RANBP2: variants seen among roughly 807,000 people sequenced by gnomAD.
The protein encoded by RANBP2 is RAN binding protein 2, also known as E3 SUMO-protein ligase RanBP2.
Under a neutral mutation model 303.6 loss-of-function variants are expected in RANBP2, and 57 were observed. The observed-to-expected ratio is 0.19, with a 90% CI of 0.15 to 0.23. The LOEUF (loss-of-function observed/expected upper bound fraction) is 0.23. RANBP2 is among the 10% of genes least tolerant of loss of function. The pLI is 1.00. For missense variants in RANBP2, 3,138 were observed against 3,780.8 expected (o/e 0.83, Z 4.46); for synonymous variants, 1,167 against 1,301.5 (o/e 0.90, Z 2.23).
At chr2:108,977,555 C>T in the RANBP2 span, among the ~76,000 whole-genome samples, 1 of 152,280 alleles carries the variant, frequency 6.6e-6, no homozygotes, top group African/African-American at 2.4e-5. Flanking sequence ...CAGGCGTGAG[C>T]CACCGAGCCT....
At chr2:109,568,037 G>GT in the RANBP2 span, 4 of 1,288,128 alleles carry the variant, frequency 3.1e-6, no homozygotes, top group Non-Finnish European at 4.3e-6. Context: ...TCCTGCAGCT[G>GT]TTTTTTCACT....
chr2:109,538,758 G>T, the RANBP2 span, among the ~76,000 whole-genome samples: 147 of 152,246 alleles, frequency 9.7e-4, no homozygotes, highest in African/African-American at 3.4e-3. Flanking sequence ...GGTGTGAAGT[G>T]AACCACCCCC....
the RANBP2 span, among the ~76,000 whole-genome samples, chr2:109,470,278 C>T: frequency 6.6e-6 from 1 of 152,224 alleles, no homozygotes; most frequent in African/African-American, 2.4e-5. Flanking sequence ...TGACCCACAG[C>T]ACCCAGCAGC....
At chr2:109,735,143 C>A in the RANBP2 span, among the ~76,000 whole-genome samples, 3,552 of 152,216 alleles carry the variant, frequency 0.023, 148 homozygotes, top group African/African-American at 0.081. Context: ...CATTAACTAA[C>A]CTCCCACTAT....
chr2:109,655,997 G>T, the RANBP2 span, among the ~76,000 whole-genome samples: 4 of 152,136 alleles, frequency 2.6e-5, no homozygotes, highest in Non-Finnish European at 4.4e-5. Context: ...TGTCAGTTTT[G>T]ATTTGTAAAC....
At chr2:108,826,262 A>G in the RANBP2 span, among the ~76,000 whole-genome samples, 1 of 152,178 alleles carries the variant, frequency 6.6e-6, no homozygotes, top group Non-Finnish European at 1.5e-5. Context: ...TTAAATTTTT[A>G]TAAAGTCCAA....
chr2:108,821,079 CG>C, the RANBP2 span, among the ~76,000 whole-genome samples: 1 of 152,160 alleles, frequency 6.6e-6, no homozygotes, highest in Admixed American at 6.5e-5. Context: ...AATTTGTGGC[CG>C]GGTGCGGTGG....
At chr2:108,788,968 T>C, downstream of RANBP2, 1 of 1,613,836 alleles carries the variant, frequency 6.2e-7, no homozygotes, top group South Asian at 1.1e-5. Flanking sequence ...TGTGAATTGG[T>C]AAAGTACCCT....
the RANBP2 span, among the ~76,000 whole-genome samples, chr2:109,647,561 C>G: frequency 1.3e-5 from 2 of 151,192 alleles, no homozygotes; most frequent in Non-Finnish European, 2.9e-5. Flanking sequence ...CTCCGCCTCC[C>G]GGGTTCAAGT....
the RANBP2 span, chr2:109,552,918 T>C: frequency 1.4e-6 from 1 of 734,312 alleles, no homozygotes; most frequent in South Asian, 2.4e-5. Context: ...TTCATTTAAT[T>C]TCAGGCTATG....
chr2:109,495,793 C>G, the RANBP2 span, among the ~76,000 whole-genome samples: 1 of 152,172 alleles, frequency 6.6e-6, no homozygotes, highest in Admixed American at 6.5e-5. Flanking sequence ...ACCTGGCCCC[C>G]TTTCTTCATT....
chr2:108,869,492 A>C, the RANBP2 span, among the ~76,000 whole-genome samples: 1 of 152,122 alleles, frequency 6.6e-6, no homozygotes, highest in African/African-American at 2.4e-5. Context: ...CATGGTTTGA[A>C]TCTCAGGAAG....
the RANBP2 span, among the ~76,000 whole-genome samples, chr2:108,826,230 T>C: frequency 6.6e-6 from 1 of 152,208 alleles, no homozygotes; most frequent in Non-Finnish European, 1.5e-5. Flanking sequence ...TTCTGGATAG[T>C]ATCCTTTGAA....
the RANBP2 span, chr2:109,564,647 A>C: frequency 1.1e-6 from 1 of 944,880 alleles, no homozygotes; most frequent in Non-Finnish European, 1.5e-6. Flanking sequence ...CAAATAGCAA[A>C]TGATCAGTTT....
At chr2:109,087,909 A>G in the RANBP2 span, among the ~76,000 whole-genome samples, 1 of 152,212 alleles carries the variant, frequency 6.6e-6, no homozygotes, top group Non-Finnish European at 1.5e-5. Context: ...CAGGCAGACC[A>G]GACTGTGAAT....
the RANBP2 span, among the ~76,000 whole-genome samples, chr2:109,105,826 A>C: frequency 6.8e-6 from 1 of 147,034 alleles, no homozygotes; most frequent in African/African-American, 2.5e-5. Flanking sequence ...AAGTGCTGGG[A>C]TTACAGGCGT....
At chr2:109,272,523 C>T in the RANBP2 span, among the ~76,000 whole-genome samples, 11 of 152,172 alleles carry the variant, frequency 7.2e-5, no homozygotes, top group East Asian at 1.9e-4. Flanking sequence ...TCACAGGGGC[C>T]GAGTAGGGTG....
At chr2:109,614,723 C>T in the RANBP2 span, 1 of 1,488,882 alleles carries the variant, frequency 6.7e-7, no homozygotes, top group Non-Finnish European at 8.9e-7. Flanking sequence ...AGTACGTGCA[C>T]CTCAAGAAGA....
At chr2:109,621,815 A>T in the RANBP2 span, among the ~76,000 whole-genome samples, 11 of 152,174 alleles carry the variant, frequency 7.2e-5, no homozygotes, top group African/African-American at 2.4e-4. Context: ...TGGGAGGCTG[A>T]GGCAGGATAA....
Sources: gnomAD v4.1 joint callset for allele counts (sites outside exome capture counted in the v4.1 genomes callset) on GRCh38, gnomAD v4.1.1 for gene constraint, MANE v1.5 for transcripts, NCBI Gene and HGNC (gene_info 2026-07-23, HGNC 2026-07-21) for gene names.